Variants in GMPR observed in about 807,000 individuals in gnomAD.
The protein encoded by GMPR is guanosine monophosphate reductase.
Under a neutral mutation model 38.4 loss-of-function variants are expected in GMPR, and 31 were observed. The observed-to-expected ratio is 0.81, with a 90% CI of 0.61 to 1.09. The LOEUF is 1.09. Ranked by LOEUF, GMPR falls within the 50% of genes least tolerant of loss-of-function variation. The pLI is 0.00. For missense variants in GMPR, 468 were observed against 453.7 expected (o/e 1.03, Z -0.29); for synonymous variants, 162 against 173.3 (o/e 0.93, Z 0.51).
At chr6:16,260,682 G>T (rs916476727) in intron 4 of GMPR, among the ~76,000 whole-genome samples, 1 of 151,988 alleles carries the variant, frequency 6.6e-6, no homozygotes, top group African/African-American at 2.4e-5. Flanking sequence ...CTAGTGGCTT[G>T]TACTATAGCA....
chr6:16,265,938 C>T (rs766032251), intron 4 of GMPR, among the ~76,000 whole-genome samples: 4 of 152,134 alleles, frequency 2.6e-5, no homozygotes, highest in African/African-American at 9.7e-5. Flanking sequence ...TCAGTGAGAC[C>T]ACGAAGCCAC....
chr6:16,287,445 T>C (rs1310503324), intron 7 of GMPR, among the ~76,000 whole-genome samples: 10 of 152,154 alleles, frequency 6.6e-5, no homozygotes, highest in Admixed American at 6.5e-4. Context: ...TCAGTCTCCT[T>C]TGGGTGCCAT....
chr6:16,278,945 C>T (rs739472), intron 6 of GMPR, 55 bp downstream of exon 6: 68,995 of 1,050,786 alleles, frequency 0.066, 5,189 homozygotes, highest in African/African-American at 0.28. Context: ...CCTGCTCCCT[C>T]GCTGCTCTTC....
intron 1 of GMPR, among the ~76,000 whole-genome samples, chr6:16,245,633 CAA>C (rs999545138): frequency 6.6e-6 from 1 of 152,196 alleles, no homozygotes; most frequent in Admixed American, 6.5e-5. Flanking sequence ...GCCAGAGAAA[CAA>C]ACGATGCTGA....
chr6:16,260,635 T>C (rs1045670795), intron 4 of GMPR, among the ~76,000 whole-genome samples: 7 of 151,954 alleles, frequency 4.6e-5, no homozygotes, highest in African/African-American at 1.2e-4. Flanking sequence ...GATAGATTTC[T>C]ACGATGGAAA....
intron 7 of GMPR, chr6:16,290,159 G>C: frequency 3.5e-6 from 1 of 284,586 alleles, no homozygotes; most frequent in South Asian, 6.5e-5. Flanking sequence ...TTCTAAGAGA[G>C]TTAGATCTGA....
intron 4 of GMPR, among the ~76,000 whole-genome samples, chr6:16,265,951 G>A (rs956355239): frequency 2.0e-5 from 3 of 152,116 alleles, no homozygotes; most frequent in Non-Finnish European, 2.9e-5. Context: ...GAAGCCACCC[G>A]CCGGGAGAAA....
At chr6:16,270,434 C>T (rs1163154617) in intron 4 of GMPR, among the ~76,000 whole-genome samples, 1 of 152,168 alleles carries the variant, frequency 6.6e-6, no homozygotes, top group Non-Finnish European at 1.5e-5. Context: ...CCTGTATCCG[C>T]TCCACACCCA....
intron 3 of GMPR, among the ~76,000 whole-genome samples, chr6:16,252,049 C>T (rs751253911): frequency 2.0e-5 from 3 of 151,966 alleles, no homozygotes; most frequent in Non-Finnish European, 2.9e-5. Flanking sequence ...TTGGGGTTGT[C>T]GTTACTGTGC....
chr6:16,238,969 G>A (rs552925864), intron 1 of GMPR, among the ~76,000 whole-genome samples, 189 bp downstream of exon 1: 5 of 152,204 alleles, frequency 3.3e-5, no homozygotes, highest in Middle Eastern at 3.4e-3. Flanking sequence ...GGTGATACGG[G>A]GGCCCATGAA....
chr6:16,262,629 G>T (rs558327925), intron 4 of GMPR: 1 of 152,172 alleles, frequency 6.6e-6, no homozygotes, highest in East Asian at 1.9e-4. Context: ...AAATCCTGTT[G>T]TGGGGTTTGA....
At chr6:16,260,939 G>A (rs1221607637) in intron 4 of GMPR, among the ~76,000 whole-genome samples, 2 of 152,058 alleles carry the variant, frequency 1.3e-5, no homozygotes, top group Non-Finnish European at 2.9e-5. Flanking sequence ...ACAGCTGAAG[G>A]AGCCGGGGAG....
intron 4 of GMPR, among the ~76,000 whole-genome samples, chr6:16,273,802 C>A (rs1394020728): frequency 6.7e-6 from 1 of 150,374 alleles, no homozygotes; most frequent in Admixed American, 6.7e-5. Context: ...ATTTGGGGGT[C>A]CCTCTAAGAT....
At chr6:16,289,257 T>G (rs944925873) in intron 7 of GMPR, among the ~76,000 whole-genome samples, 1 of 152,128 alleles carries the variant, frequency 6.6e-6, no homozygotes, top group African/African-American at 2.4e-5. Context: ...ACACTCACAG[T>G]GAGAGTCTAT....
intron 3 of GMPR, among the ~76,000 whole-genome samples, chr6:16,254,182 C>T (rs927686141): frequency 1.3e-5 from 2 of 151,978 alleles, no homozygotes; most frequent in African/African-American, 2.4e-5. Context: ...CCACCTGCCT[C>T]GGCCTCTCAA....
intron 8 of GMPR, among the ~76,000 whole-genome samples, chr6:16,293,744 G>A (rs1373071196): frequency 6.6e-6 from 1 of 152,198 alleles, no homozygotes; most frequent in African/African-American, 2.4e-5. Context: ...GTTGCAGTGA[G>A]CTGAGATTGC....
At chr6:16,242,936 T>C (rs573443521) in intron 1 of GMPR, among the ~76,000 whole-genome samples, 4 of 152,284 alleles carry the variant, frequency 2.6e-5, no homozygotes, top group South Asian at 2.1e-4. Context: ...TTATCCTTTT[T>C]ATAAGAACAT....
intron 7 of GMPR, 112 bp downstream of exon 7, chr6:16,285,947 T>A: frequency 1.1e-6 from 1 of 900,334 alleles, no homozygotes; most frequent in Non-Finnish European, 1.8e-6. Context: ...AAGTTCTGGG[T>A]CTCCTGGAGG....
rs2113348551 is a variant in GMPR, at chr6:16,290,633, A to G, written c.857+12A>G. 1.2e-6 allele frequency: 2 copies of G among 1,608,834 alleles called. No individual in the cohort carries two copies. The highest frequency in any genetic ancestry group is 1.7e-6 in the Non-Finnish European group (2 of 1,175,896). ...GTTGCTGAGTACAGGTGAGGAGGTG[A>G]CCCCGGGGCGCACCCTCGAGGCCTG... On this transcript the variant is annotated intron_variant, in intron 8 of 8. Coordinates refer to ENST00000259727, the MANE Select transcript of GMPR (RefSeq NM_006877.4).
Sources: allele counts gnomAD v4.1 joint callset (sites outside exome capture counted in the v4.1 genomes callset), GRCh38; gene constraint gnomAD v4.1.1; transcripts MANE v1.5; gene names NCBI Gene and HGNC (gene_info 2026-07-23, HGNC 2026-07-21).